CSMD1: variants seen among roughly 807,000 people sequenced by gnomAD.
The protein encoded by CSMD1 is CUB and Sushi multiple domains 1.
Under a neutral mutation model 417.5 loss-of-function variants are expected in CSMD1, and 213 were observed. That is an observed-to-expected ratio of 0.51 (90% CI 0.46 to 0.57). CSMD1 has a LOEUF of 0.57. Ranked by LOEUF, CSMD1 falls within the 20% of genes least tolerant of loss-of-function variation. The pLI is 0.00. For missense variants in CSMD1, 6,923 were observed against 4,529.7 expected, an observed-to-expected ratio of 1.53 and a Z score of -15.17; for synonymous variants, 2,862 against 1,736.8, an observed-to-expected ratio of 1.65 and a Z score of -16.11.
At chr8:4,174,574 T>C (rs1797936877) in intron 3 of CSMD1, among the ~76,000 whole-genome samples, 1 of 150,438 alleles carries the variant, frequency 6.6e-6, no homozygotes, top group Non-Finnish European at 1.5e-5. Flanking sequence ...CTGCATGCAC[T>C]CTGGCTGGGA....
chr8:3,748,675 G>T (rs563508082), intron 6 of CSMD1, among the ~76,000 whole-genome samples: 2 of 152,310 alleles, frequency 1.3e-5, no homozygotes, highest in African/African-American at 2.4e-5. Flanking sequence ...ATTGGAGAAT[G>T]GGGAATGCAT....
At chr8:3,478,210 G>T (rs534739044) in intron 11 of CSMD1, among the ~76,000 whole-genome samples, 1 of 152,304 alleles carries the variant, frequency 6.6e-6, no homozygotes, top group Admixed American at 6.5e-5. Flanking sequence ...ATTTACAATC[G>T]CTATTTTAAA....
chr8:4,160,270 G>T (rs1447537346), intron 3 of CSMD1, among the ~76,000 whole-genome samples: 1 of 151,980 alleles, frequency 6.6e-6, no homozygotes, highest in African/African-American at 2.4e-5. Flanking sequence ...AAAACATTCT[G>T]ATTCTTGGAA....
At chr8:3,964,762 A>G (rs897972615) in intron 5 of CSMD1, among the ~76,000 whole-genome samples, 9 of 152,228 alleles carry the variant, frequency 5.9e-5, no homozygotes, top group African/African-American at 2.2e-4. Context: ...TGTATCCTTC[A>G]TAAAGGACTA....
At chr8:3,363,882 T>C (rs1809375126) in intron 20 of CSMD1, among the ~76,000 whole-genome samples, 2 of 152,190 alleles carry the variant, frequency 1.3e-5, no homozygotes, top group Admixed American at 1.3e-4. Flanking sequence ...GACAATGTTA[T>C]GTAGAATGGG....
chr8:4,761,073 G>C (rs1812010025), intron 1 of CSMD1, among the ~76,000 whole-genome samples: 1 of 152,086 alleles, frequency 6.6e-6, no homozygotes, highest in African/African-American at 2.4e-5. Context: ...ATTAGCAGAA[G>C]TATGTGTTTG....
Position 4,062,696 on chromosome 8 carries a change from G to C in CSMD1, c.416-30597C>G, listed in dbSNP as rs78450340. On this transcript the variant is annotated intron_variant, in intron 3 of 69. Coordinates refer to ENST00000635120, the MANE Select transcript of CSMD1 (RefSeq NM_033225.6). Reference sequence around the variant, plus strand: ...CTTGTGCAAGACCCATGATGGCAAAGCCACACTGTCATTATTCCTGATCAG... The same window carrying C: ...CTTGTGCAAGACCCATGATGGCAAACCCACACTGTCATTATTCCTGATCAG... Among the ~76,000 whole-genome samples, 956 of 151,326 alleles carry C rather than the reference G, an allele frequency of 6.3e-3. 14 individuals are homozygous for C. The highest frequency in any genetic ancestry group is 0.022 in the African/African-American group (919 of 41,184).
At position 4,042,345 on chromosome 8, in the gene CSMD1, G is replaced by T. The variant is rs542554495; in HGVS notation, c.416-10246C>A. On this transcript the variant is annotated intron_variant, in intron 3 of 69. Transcript: ENST00000635120. ...GACAAAGATAAAGGGGCCAGGTGAT[G>T]CCTCTTCAGAAAGAATGAAACCAAG... Among the ~76,000 whole-genome samples the T allele has an allele frequency of 3.9e-5, 6 of 152,212 alleles. No homozygotes were observed. In the South Asian group the frequency reaches 1.2e-3, roughly 32 times the overall value.
chr8:4,272,742 C>T (rs761906457), intron 3 of CSMD1, among the ~76,000 whole-genome samples: 1 of 152,066 alleles, frequency 6.6e-6, no homozygotes, highest in Non-Finnish European at 1.5e-5. Flanking sequence ...ATTTTTCATT[C>T]TGTAATTCTT....
Position 3,984,366 on chromosome 8 carries a change from T to G in CSMD1, c.818+13537A>C, listed in dbSNP as rs144640068. Among the ~76,000 whole-genome samples the G allele has an allele frequency of 4.6e-5, 7 of 152,318 alleles. No homozygotes were observed. The East Asian group carries it at 1.4e-3, about 29-fold the overall frequency. ...AAATGCTGACGACAGATCATGAGTC[T>G]CTGTTTTCCTATTTAGACTTTTCAA... On this transcript the variant is annotated intron_variant, in intron 5 of 69. Coordinates refer to ENST00000635120, the MANE Select transcript of CSMD1 (RefSeq NM_033225.6).
chr8:3,698,195 G>A (rs143662148), intron 7 of CSMD1, among the ~76,000 whole-genome samples: 1 of 152,252 alleles, frequency 6.6e-6, no homozygotes, highest in African/African-American at 2.4e-5. Flanking sequence ...CATAGCACTT[G>A]AAAAGATATT....
At chr8:4,850,839 G>A (rs989625110) in intron 1 of CSMD1, among the ~76,000 whole-genome samples, 3 of 151,990 alleles carry the variant, frequency 2.0e-5, no homozygotes, top group Admixed American at 1.3e-4. Context: ...TCCTTTTGCT[G>A]AATTCAATAA....
Position 3,894,922 on chromosome 8 carries a change from G to A in CSMD1, c.818+102981C>T, listed in dbSNP as rs147306192. On this transcript the variant is annotated intron_variant, in intron 5 of 69. Coordinates refer to ENST00000635120, the MANE Select transcript of CSMD1 (RefSeq NM_033225.6). ...CAGTGGGTTCCTAGTATTCAACACTGTACCATACAGATGACAATTTCCAAT... is the reference window on the plus strand; with the variant it reads ...CAGTGGGTTCCTAGTATTCAACACTATACCATACAGATGACAATTTCCAAT... Among the ~76,000 whole-genome samples, 898 of 152,258 alleles carry A rather than the reference G, an allele frequency of 5.9e-3. 10 individuals carry two copies. Among genetic ancestry groups the A allele is most frequent in the Middle Eastern group, 0.02 (6 of 294 alleles).
At chr8:4,324,720 G>C (rs896845704) in intron 3 of CSMD1, among the ~76,000 whole-genome samples, 7 of 152,214 alleles carry the variant, frequency 4.6e-5, no homozygotes, top group African/African-American at 1.4e-4. Context: ...ATAAGGTGTT[G>C]TTATATATGG....
intron 12 of CSMD1, among the ~76,000 whole-genome samples, chr8:3,459,463 C>T (rs552149270): frequency 2.6e-5 from 4 of 152,262 alleles, no homozygotes; most frequent in East Asian, 1.9e-4. Flanking sequence ...CCTGAATCTC[C>T]GTCTATGAAG....
At chr8:3,685,300 G>A (rs2129030510) in intron 7 of CSMD1, among the ~76,000 whole-genome samples, 1 of 152,244 alleles carries the variant, frequency 6.6e-6, no homozygotes. Context: ...TGACTCGGCA[G>A]TCTAGTTGTC....
intron 26 of CSMD1, among the ~76,000 whole-genome samples, chr8:3,281,910 A>G (rs921530388): frequency 2.6e-5 from 4 of 152,100 alleles, no homozygotes; most frequent in African/African-American, 7.2e-5. Flanking sequence ...TCTTCATGAT[A>G]GAGTTCTCAG....
intron 2 of CSMD1, among the ~76,000 whole-genome samples, chr8:4,443,616 C>A (rs1046509831): frequency 6.6e-6 from 1 of 152,156 alleles, no homozygotes; most frequent in Non-Finnish European, 1.5e-5. Flanking sequence ...ACTTCGCATT[C>A]AAAGAATGTA....
chr8:3,301,292 C>A (rs1475126217), intron 25 of CSMD1, among the ~76,000 whole-genome samples: 1 of 152,038 alleles, frequency 6.6e-6, no homozygotes, highest in African/African-American at 2.4e-5. Flanking sequence ...AGGGTCTACC[C>A]AGCGAAGGAA....
Sources: allele counts gnomAD v4.1 joint callset (sites outside exome capture counted in the v4.1 genomes callset), GRCh38; gene constraint gnomAD v4.1.1; transcripts MANE v1.5; gene names NCBI Gene and HGNC (gene_info 2026-07-23, HGNC 2026-07-21).